CSMD1: variants seen among roughly 807,000 people sequenced by gnomAD.
CSMD1 encodes CUB and sushi domain-containing protein 1.
A neutral mutation model predicts 417.5 loss-of-function variants in CSMD1; 213 were observed. The observed-to-expected ratio is 0.51, with a 90% confidence interval of 0.46 to 0.57. The LOEUF is 0.57. Among genes scored for constraint, CSMD1 ranks in the 20% least tolerant of loss-of-function variants. The pLI is 0.00. For missense variants in CSMD1, 6,923 were observed against 4,529.7 expected (o/e 1.53, Z -15.17); for synonymous variants, 2,862 against 1,736.8 (o/e 1.65, Z -16.11).
At chr8:4,982,723 A>C (rs551811045) in intron 1 of CSMD1, among the ~76,000 whole-genome samples, 1 of 152,242 alleles carries the variant, frequency 6.6e-6, no homozygotes, top group African/African-American at 2.4e-5. Context: ...AACTGAAAGA[A>C]AAACACATTT....
rs576364748 is a variant in CSMD1, at chr8:3,991,730, G to C, written c.818+6173C>G. On this transcript the variant is annotated intron_variant, in intron 5 of 69. Transcript: ENST00000635120. Reference sequence around the variant, plus strand: ...CACACTGCTTCCATCTTCCTGTTTTGAAATTAGCGATGAAATGTGGTCTCA... The same window carrying C: ...CACACTGCTTCCATCTTCCTGTTTTCAAATTAGCGATGAAATGTGGTCTCA... 1.3e-3 allele frequency among the ~76,000 whole-genome samples: 205 copies of C among 152,244 alleles called. 2 individuals carry two copies. The highest frequency in any genetic ancestry group is 4.7e-3 in the African/African-American group (194 of 41,544).
chr8:4,185,342 T>A (rs1432899296), intron 3 of CSMD1, among the ~76,000 whole-genome samples: 1 of 152,044 alleles, frequency 6.6e-6, no homozygotes, highest in Non-Finnish European at 1.5e-5. Flanking sequence ...AATAGTTTTG[T>A]CACAGGTTTA....
intron 6 of CSMD1, among the ~76,000 whole-genome samples, chr8:3,728,098 T>A (rs150952220): frequency 5.9e-4 from 89 of 152,104 alleles, no homozygotes; most frequent in Non-Finnish European, 4.7e-4. Flanking sequence ...TCATCTTGAA[T>A]TGTAGCTCCC....
intron 3 of CSMD1, among the ~76,000 whole-genome samples, chr8:4,257,101 C>T (rs1014506585): frequency 1.3e-4 from 20 of 152,190 alleles, no homozygotes; most frequent in Non-Finnish European, 2.6e-4. Context: ...ATACCACACT[C>T]GCCATACTCT....
At chr8:3,437,444 T>G (rs1362325591) in intron 12 of CSMD1, among the ~76,000 whole-genome samples, 1 of 152,212 alleles carries the variant, frequency 6.6e-6, no homozygotes, top group Non-Finnish European at 1.5e-5. Flanking sequence ...CTGTGTAATT[T>G]GTAAACAGAA....
At position 4,005,443 on chromosome 8, in the gene CSMD1, G is replaced by T. The variant is rs532340463; in HGVS notation, c.611-7333C>A. 9.2e-4 allele frequency among the ~76,000 whole-genome samples: 140 copies of T among 152,200 alleles called. 1 individual carries two copies. Among genetic ancestry groups the T allele is most frequent in the African/African-American group, 3.2e-3 (133 of 41,532 alleles). Reference sequence around the variant, plus strand: ...TTAGACACAGACAAGTGCTTTGCAGGGCCACTGTCTCAACATGGTGGCCGA... The same window carrying T: ...TTAGACACAGACAAGTGCTTTGCAGTGCCACTGTCTCAACATGGTGGCCGA... On this transcript the variant is annotated intron_variant, in intron 4 of 69. Coordinates refer to ENST00000635120, the MANE Select transcript of CSMD1 (RefSeq NM_033225.6).
At chr8:4,900,500 A>G (rs1192749586) in intron 1 of CSMD1, among the ~76,000 whole-genome samples, 3 of 152,064 alleles carry the variant, frequency 2.0e-5, no homozygotes, top group Non-Finnish European at 4.4e-5. Flanking sequence ...CCAGGCTGTC[A>G]TCACTTCTGG....
At chr8:4,595,939 T>C (rs915020840) in intron 2 of CSMD1, among the ~76,000 whole-genome samples, 1 of 152,070 alleles carries the variant, frequency 6.6e-6, no homozygotes, top group Non-Finnish European at 1.5e-5. Context: ...TTGCTCTTAC[T>C]AAACTATATG....
intron 1 of CSMD1, among the ~76,000 whole-genome samples, chr8:4,862,675 T>A (rs1375800673): frequency 6.6e-6 from 1 of 152,026 alleles, no homozygotes; most frequent in African/African-American, 2.4e-5. Flanking sequence ...CACCTGCAAG[T>A]GCCATTTACT....
Position 4,553,608 on chromosome 8 carries a change from A to G in CSMD1, c.302+83734T>C, listed in dbSNP as rs929786473. 4.6e-5 allele frequency among the ~76,000 whole-genome samples: 7 copies of G among 152,322 alleles called. No individual in the cohort carries two copies. The South Asian group carries it at 1.4e-3, about 32-fold the overall frequency. ...TAGATTATTTTTGATCTAGCACTTTAGAAACCAGCTTAGCTCTACCAATAT... is the reference window on the plus strand; with the variant it reads ...TAGATTATTTTTGATCTAGCACTTTGGAAACCAGCTTAGCTCTACCAATAT... On this transcript the variant is annotated intron_variant, in intron 2 of 69. Coordinates refer to ENST00000635120, the MANE Select transcript of CSMD1 (RefSeq NM_033225.6).
intron 36 of CSMD1, among the ~76,000 whole-genome samples, chr8:3,182,631 T>A (rs1821425344): frequency 2.3e-5 from 1 of 43,500 alleles, no homozygotes; most frequent in Non-Finnish European, 5.5e-5. Context: ...TGTGTGTGTG[T>A]GTATTGTTAG....
intron 3 of CSMD1, among the ~76,000 whole-genome samples, chr8:4,200,341 GTC>G (rs1456456589): frequency 6.6e-6 from 1 of 152,008 alleles, no homozygotes; most frequent in Admixed American, 6.6e-5. Flanking sequence ...TGTGTTTAGA[GTC>G]TGCTTAGCAA....
intron 5 of CSMD1, among the ~76,000 whole-genome samples, chr8:3,938,319 T>C (rs1231954851): frequency 6.6e-6 from 1 of 152,086 alleles, no homozygotes; most frequent in East Asian, 1.9e-4. Flanking sequence ...TAATTTGTGT[T>C]TTGGAAGAAA....
intron 26 of CSMD1, among the ~76,000 whole-genome samples, chr8:3,255,602 C>T (rs1453722217): frequency 1.3e-5 from 2 of 152,198 alleles, no homozygotes; most frequent in African/African-American, 4.8e-5. Flanking sequence ...TGCAGCCCTG[C>T]AGTTTGATCT....
At chr8:4,722,648 A>G (rs796935619) in intron 1 of CSMD1, among the ~76,000 whole-genome samples, 1 of 152,060 alleles carries the variant, frequency 6.6e-6, no homozygotes, top group Non-Finnish European at 1.5e-5. Context: ...TAGTCTCAGC[A>G]TCTCATTACT....
At chr8:3,107,693 G>C in intron 45 of CSMD1, 25 bp downstream of exon 45, 1 of 1,336,344 alleles carries the variant, frequency 7.5e-7, no homozygotes, top group Non-Finnish European at 1.1e-6. Flanking sequence ...CTGAATTCAT[G>C]GTATTGTAAT....
intron 1 of CSMD1, among the ~76,000 whole-genome samples, chr8:4,927,217 G>C (rs11989036): frequency 2.0e-5 from 3 of 151,072 alleles, no homozygotes; most frequent in Non-Finnish European, 4.4e-5. Context: ...AGTGCTTTTT[G>C]GCTAATTTTT....
At position 3,359,302 on chromosome 8, in the gene CSMD1, C is replaced by A. The variant is rs758087534; in HGVS notation, c.3154G>T (p.Ala1052Ser). 1.9e-6 allele frequency: 3 copies of A among 1,613,688 alleles called. No homozygotes were observed. Among genetic ancestry groups the A allele is most frequent in the Non-Finnish European group, 2.5e-6 (3 of 1,179,824 alleles). The stretch of plus-strand genomic sequence containing the variant: ...TGAAAACCAATTCTTCGGCTGAAGG[C>A]AGGGACTCCAGGATCATCACATGGC... ...LEPCDDPGVP[A>S]FSRRIGFHFG... Residue 1052 changes from alanine (A) to serine (S), a missense_variant, in exon 21 of 70, where the codon GCC (alanine) becomes TCC (serine). By Grantham distance (99) the Ala-to-Ser change is moderately conservative (BLOSUM62 1). Transcript: ENST00000635120.
At chr8:4,777,220 T>A (rs11136770) in intron 1 of CSMD1, among the ~76,000 whole-genome samples, 49,593 of 152,118 alleles carry the variant, frequency 0.33, 8,925 homozygotes, top group Admixed American at 0.47. Flanking sequence ...AGCTAAACCA[T>A]GCTGAGAAGC....
Sources: gnomAD v4.1 joint callset for allele counts (sites outside exome capture counted in the v4.1 genomes callset) on GRCh38, gnomAD v4.1.1 for gene constraint, MANE v1.5 for transcripts, NCBI Gene and HGNC (gene_info 2026-07-23, HGNC 2026-07-21) for gene names.